ADGRB3: variants seen among roughly 807,000 people sequenced by gnomAD.
ADGRB3 encodes the protein brain-specific angiogenesis inhibitor 3.
A neutral mutation model predicts 193.4 loss-of-function variants in ADGRB3; 37 were observed. The observed-to-expected ratio is 0.19, with a 90% CI of 0.15 to 0.25. The LOEUF (loss-of-function observed/expected upper bound fraction) is 0.25. Ranked by LOEUF, ADGRB3 falls within the 10% of genes least tolerant of loss-of-function variation. The pLI is 1.00. For missense variants in ADGRB3, 1,637 were observed against 1,852.9 expected (o/e 0.88, Z 2.14); for synonymous variants, 690 against 644.2 (o/e 1.07, Z -1.08).
At chr6:69,322,481 C>T (rs754256674) in intron 20 of ADGRB3, among the ~76,000 whole-genome samples, 1 of 151,830 alleles carries the variant, frequency 6.6e-6, no homozygotes, top group Non-Finnish European at 1.5e-5. Context: ...AGTATATAAA[C>T]CTTCCTTTTT....
intron 8 of ADGRB3, among the ~76,000 whole-genome samples, chr6:68,958,886 T>TAATA (rs1768155397): frequency 6.6e-6 from 1 of 151,390 alleles, no homozygotes; most frequent in Non-Finnish European, 1.5e-5. Flanking sequence ...TGTGTGTGTG[T>TAATA]GTGTGTGTGT....
At chr6:69,127,756 T>C (rs892310468) in intron 17 of ADGRB3, among the ~76,000 whole-genome samples, 4 of 152,156 alleles carry the variant, frequency 2.6e-5, no homozygotes, top group Admixed American at 1.3e-4. Context: ...TTTAAAAAAT[T>C]CTGGATATTG....
At chr6:68,814,361 A>T (rs1306405579) in intron 3 of ADGRB3, among the ~76,000 whole-genome samples, 2 of 152,128 alleles carry the variant, frequency 1.3e-5, no homozygotes, top group Non-Finnish European at 2.9e-5. Context: ...TCTTCTTTTG[A>T]GAAGTGTCTG....
Position 68,974,770 on chromosome 6 carries a change from T to C in ADGRB3, c.1533T>C (p.Tyr511=), listed in dbSNP as rs781404154. 40 of 1,613,616 alleles carry C rather than the reference T, an allele frequency of 2.5e-5. 1 individual carries two copies. The South Asian group carries it at 4.1e-4, about 16-fold the overall frequency. Residue 511 remains tyrosine, a synonymous_variant, in exon 9 of 32, where the codon TAT becomes TAC. Transcript: ENST00000370598. ...CTTTGTTTAAAATTGCAGCACCTTA[T>C]GAAATATGCCCTGAGGATTATCTGA... ...RCNEQRCPAP[Y]EICPEDYLMS... is the part of the protein sequence containing the mutation.
intron 20 of ADGRB3, among the ~76,000 whole-genome samples, chr6:69,293,392 A>C (rs1010207155): frequency 6.6e-6 from 1 of 152,024 alleles, no homozygotes; most frequent in African/African-American, 2.4e-5. Flanking sequence ...TCTGGGAACT[A>C]AAAGGATTTT....
intron 26 of ADGRB3, among the ~76,000 whole-genome samples, chr6:69,341,450 T>G (rs1283299016): frequency 6.6e-6 from 1 of 152,162 alleles, no homozygotes; most frequent in Non-Finnish European, 1.5e-5. Flanking sequence ...CCCACATGTA[T>G]TCTAAGAACA....
chr6:69,352,616 CATT>C (rs1769250345), intron 26 of ADGRB3, among the ~76,000 whole-genome samples: 1 of 152,288 alleles, frequency 6.6e-6, no homozygotes, highest in Non-Finnish European at 1.5e-5. Flanking sequence ...ACAGAGGTCT[CATT>C]ATTGGGCCAG....
intron 20 of ADGRB3, among the ~76,000 whole-genome samples, chr6:69,317,146 A>T (rs900365020): frequency 1.3e-5 from 2 of 151,486 alleles, no homozygotes; most frequent in Admixed American, 1.3e-4. Context: ...TTTATTGTGG[A>T]TTAAAAAGCA....
intron 17 of ADGRB3, among the ~76,000 whole-genome samples, chr6:69,173,944 TAACC>T (rs1775356072): frequency 6.6e-6 from 1 of 152,212 alleles, no homozygotes; most frequent in Admixed American, 6.5e-5. Flanking sequence ...CTCAAAATCT[TAACC>T]AAGCTCTTCA....
At chr6:68,745,995 A>G (rs1766076120) in intron 3 of ADGRB3, among the ~76,000 whole-genome samples, 3 of 152,084 alleles carry the variant, frequency 2.0e-5, no homozygotes, top group Non-Finnish European at 2.9e-5. Flanking sequence ...TTATTGCAAA[A>G]TTGCTACAGT....
intron 17 of ADGRB3, among the ~76,000 whole-genome samples, chr6:69,202,081 T>G (rs755598509): frequency 7.9e-5 from 12 of 152,186 alleles, no homozygotes; most frequent in African/African-American, 1.2e-4. Flanking sequence ...TTCCTCAGTG[T>G]TCTACAGAAC....
At chr6:69,221,058 G>A (rs534113711) in intron 17 of ADGRB3, among the ~76,000 whole-genome samples, 3 of 151,980 alleles carry the variant, frequency 2.0e-5, no homozygotes, top group South Asian at 4.2e-4. Context: ...TCTAATCTAT[G>A]CAATCCCAGT....
intron 3 of ADGRB3, among the ~76,000 whole-genome samples, chr6:68,882,892 T>G (rs544283285): frequency 6.6e-6 from 1 of 152,172 alleles, no homozygotes; most frequent in African/African-American, 2.4e-5. Context: ...TAGTTTTTTT[T>G]TTGTTTTGTT....
intron 20 of ADGRB3, among the ~76,000 whole-genome samples, chr6:69,296,720 A>T (rs1007542329): frequency 3.9e-5 from 6 of 152,080 alleles, no homozygotes; most frequent in African/African-American, 1.4e-4. Flanking sequence ...GAATTATGTC[A>T]TGTTATCCTC....
At chr6:69,271,982 C>A (rs1767191498) in intron 20 of ADGRB3, among the ~76,000 whole-genome samples, 1 of 152,032 alleles carries the variant, frequency 6.6e-6, no homozygotes, top group Non-Finnish European at 1.5e-5. Context: ...CTCAAATTAT[C>A]TGAAAAATAA....
chr6:68,973,401 C>G (rs1161674172), intron 8 of ADGRB3, among the ~76,000 whole-genome samples: 1 of 152,134 alleles, frequency 6.6e-6, no homozygotes, highest in Non-Finnish European at 1.5e-5. Context: ...AATATTATTT[C>G]AAGATTTAAT....
At chr6:68,742,793 A>G (rs781312524) in intron 3 of ADGRB3, among the ~76,000 whole-genome samples, 12 of 152,116 alleles carry the variant, frequency 7.9e-5, no homozygotes, top group Non-Finnish European at 1.3e-4. Flanking sequence ...TTTTTCCTCA[A>G]AAAGGAAAAT....
In ADGRB3 at chr6:68,974,752, T is replaced by C. The variant is rs764775292; in HGVS notation, c.1526-11T>C. On this transcript the variant is annotated splice_polypyrimidine_tract_variant and intron_variant, in intron 8 of 31. Transcript: ENST00000370598. ...CTACTGACATTCAAGTCCCTTTGTT[T>C]AAAATTGCAGCACCTTATGAAATAT... 4.3e-6 allele frequency: 7 copies of C among 1,612,356 alleles called. No individual in the cohort carries two copies. Among genetic ancestry groups the C allele is most frequent in the Non-Finnish European group, 5.9e-6 (7 of 1,178,828 alleles).
chr6:68,903,048 A>T (rs541533568), intron 3 of ADGRB3, among the ~76,000 whole-genome samples: 2 of 152,314 alleles, frequency 1.3e-5, no homozygotes, highest in East Asian at 3.9e-4. Flanking sequence ...AGAACATGTA[A>T]TTTAATCTAG....
Sources: allele counts gnomAD v4.1 joint callset (sites outside exome capture counted in the v4.1 genomes callset), GRCh38; gene constraint gnomAD v4.1.1; transcripts MANE v1.5; gene names NCBI Gene and HGNC (gene_info 2026-07-23, HGNC 2026-07-21).